The following MACF1 variants were observed in gnomAD, a reference collection of about 807,000 sequenced individuals.
MACF1 encodes the protein microtubule-actin cross-linking factor 1.
In MACF1, 193 loss-of-function variants were observed where a neutral mutation model predicts 854.8. That is an observed-to-expected ratio of 0.23 (90% CI 0.20 to 0.25). The LOEUF is 0.25. MACF1 is among the 10% of genes least tolerant of loss of function. The pLI is 1.00. For missense variants in MACF1, 7,722 were observed against 8,929.1 expected (o/e 0.86, Z 5.45); for synonymous variants, 3,185 against 3,226.7 (o/e 0.99, Z 0.44).
At chr1:39,126,410 G>A (rs1642861090) in intron 2 of MACF1, among the ~76,000 whole-genome samples, 1 of 152,168 alleles carries the variant, frequency 6.6e-6, no homozygotes, top group African/African-American at 2.4e-5. Context: ...TTGATCATTT[G>A]TAAAGACCCT....
In MACF1 at chr1:39,387,678, A is replaced by G. The variant is rs1353402243; in HGVS notation, c.14836A>G (p.Lys4946Glu). ...GCTAGAGTCCAGTCTCCTAAGATCA[A>G]AGGCTATGCTGAATGAGGTGGAGAA... is the stretch of plus-strand genomic sequence containing the variant. ...VQLESSLLRS[K>E]AMLNEVEKRR... Residue 4946 changes from lysine (K) to glutamate (E), a missense_variant, in exon 58 of 101, where the codon AAG becomes GAG. This residue lies in a region of MACF1 where 2,807 missense variants were observed against 3,235.8 expected (regional missense o/e 0.87). Coordinates refer to ENST00000564288, the MANE Select transcript of MACF1 (RefSeq NM_001394062.1). 1 of 1,614,158 alleles carries G rather than the reference A, an allele frequency of 6.2e-7. No individual in the cohort carries two copies. The highest frequency in any genetic ancestry group is 8.5e-7 in the Non-Finnish European group (1 of 1,180,028).
In MACF1 at chr1:39,385,903, C is replaced by G; in HGVS notation, c.14318C>G (p.Pro4773Arg). The change falls in exon 57 of 101, where the codon CCT becomes CGT. Residue 4773 changes from proline (P) to arginine (R), a missense_variant. Pro to Arg is a moderately radical substitution (Grantham distance 103, BLOSUM62 -2). Transcript: ENST00000564288. ...AAGCGTTTGGAGACAGTTGCCCTGC[C>G]TCTCCAAGGTTTAGAAGACCTTGCA... ...LKKRLETVAL[P>R]LQGLEDLAAD... 1 of 1,612,360 alleles carries G rather than the reference C, an allele frequency of 6.2e-7. No homozygotes were observed. The highest frequency in any genetic ancestry group is 8.5e-7 in the Non-Finnish European group (1 of 1,178,792).
chr1:39,216,338 C>G (rs945041175), intron 1 of MACF1, among the ~76,000 whole-genome samples: 1 of 152,028 alleles, frequency 6.6e-6, no homozygotes, highest in Non-Finnish European at 1.5e-5. Context: ...TTCTGTTAGG[C>G]TTTCTGATTT....
chr1:39,459,115 C>T lies in MACF1; in HGVS notation c.21226C>T (p.Pro7076Ser). 4 of 1,613,934 alleles carry T rather than the reference C, an allele frequency of 2.5e-6. No homozygotes were observed. Among genetic ancestry groups the T allele is most frequent in the Non-Finnish European group, 3.4e-6 (4 of 1,179,948 alleles). The stretch of plus-strand genomic sequence containing the variant: ...ATCCCTAAGTCAGCCAACCCCTCCT[C>T]CCATGCCAATCCTTTCACAGTCTGA... ...RKSLSQPTPP[P>S]MPILSQSEAK... The change falls in exon 91 of 101, where the codon CCC (proline) becomes TCC (serine). Residue 7076 changes from proline to serine, a missense_variant. Coordinates refer to ENST00000564288, the MANE Select transcript of MACF1 (RefSeq NM_001394062.1).
chr1:39,266,228 G>A (rs1041099432), intron 6 of MACF1, among the ~76,000 whole-genome samples: 2 of 152,180 alleles, frequency 1.3e-5, no homozygotes, highest in Non-Finnish European at 2.9e-5. Context: ...ATTTTGGTTT[G>A]CTTGTATGTC....
At chr1:39,160,560 A>G (rs1279160929) in intron 2 of MACF1, among the ~76,000 whole-genome samples, 4 of 152,234 alleles carry the variant, frequency 2.6e-5, no homozygotes, top group East Asian at 1.9e-4. Context: ...AAAACATACA[A>G]TATATAGCAG....
At chr1:39,208,303 A>G (rs1030428162) in intron 1 of MACF1, among the ~76,000 whole-genome samples, 9 of 152,020 alleles carry the variant, frequency 5.9e-5, no homozygotes, top group Admixed American at 1.3e-4. Flanking sequence ...CTTTAGGGTA[A>G]GTAGTTAACT....
intron 51 of MACF1, among the ~76,000 whole-genome samples, chr1:39,371,672 T>C (rs2490945): frequency 0.29 from 44,319 of 152,054 alleles, 6,785 homozygotes; most frequent in East Asian, 0.4. Context: ...CCTTAATAAA[T>C]GCAAAGTATA....
At chr1:39,192,053 A>G (rs1644260600) in intron 2 of MACF1, among the ~76,000 whole-genome samples, 1 of 152,176 alleles carries the variant, frequency 6.6e-6, no homozygotes, top group South Asian at 2.1e-4. Flanking sequence ...CAGGAGACTG[A>G]GGCACAAGAA....
intron 6 of MACF1, among the ~76,000 whole-genome samples, chr1:39,262,808 C>G (rs147566445): frequency 6.6e-6 from 1 of 152,152 alleles, no homozygotes; most frequent in Non-Finnish European, 1.5e-5. Context: ...TAGGTGGGAG[C>G]ACCGCTCCCA....
At chr1:39,434,692 AAAC>A (rs1643933916) in intron 69 of MACF1, 60 bp downstream of exon 69, 10 of 1,492,236 alleles carry the variant, frequency 6.7e-6, no homozygotes, top group Non-Finnish European at 2.8e-6. Flanking sequence ...ATTTATTTAA[AAAC>A]AACATTTGTT....
chr1:39,105,375 C>G lies in MACF1; in HGVS notation c.220+20937C>G. On this transcript the variant is annotated intron_variant, in intron 2 of 93. Coordinates refer to the MACF1 transcript ENST00000361689. This position sits in a 1 kb window ranked among gnomAD's most constrained non-coding sequence, Gnocchi z 5.9. Reference sequence around the variant, plus strand: ...GCGCCGGGGCGGGCTGAGGGAGGAGCGGAGCCGAGGGGTGAGGACGCGGAA... The same window carrying G: ...GCGCCGGGGCGGGCTGAGGGAGGAGGGGAGCCGAGGGGTGAGGACGCGGAA... 1 of 982,626 alleles carries G rather than the reference C, an allele frequency of 1.0e-6. No individual in the cohort carries two copies. The highest frequency in any genetic ancestry group is 1.2e-6 in the Non-Finnish European group (1 of 828,108). The allele number at this position is 982,626 out of a possible 1,614,324, so 60.9% of individuals were successfully genotyped here.
At chr1:39,113,272 C>A (rs1642457803) in intron 2 of MACF1, among the ~76,000 whole-genome samples, 1 of 152,072 alleles carries the variant, frequency 6.6e-6, no homozygotes, top group Admixed American at 6.5e-5. Context: ...ATAGTGCACA[C>A]AGTGAGCTTA....
At chr1:39,103,942 T>C (rs1642157549) in intron 2 of MACF1, among the ~76,000 whole-genome samples, 1 of 152,216 alleles carries the variant, frequency 6.6e-6, no homozygotes, top group Non-Finnish European at 1.5e-5. Context: ...GTGCTGAGCA[T>C]TGACCAAAAT....
At chr1:39,340,222 T>A (rs1001226368) in intron 38 of MACF1, among the ~76,000 whole-genome samples, 1 of 152,168 alleles carries the variant, frequency 6.6e-6, no homozygotes, top group African/African-American at 2.4e-5. Context: ...ATCCAAGTCC[T>A]GGCTGTACTG....
intron 2 of MACF1, among the ~76,000 whole-genome samples, chr1:39,155,104 C>T (rs1163132286): frequency 1.3e-5 from 2 of 152,138 alleles, no homozygotes; most frequent in Non-Finnish European, 2.9e-5. Context: ...CTTTGAAATG[C>T]TGTGACTCTG....
intron 2 of MACF1, among the ~76,000 whole-genome samples, chr1:39,122,294 A>C (rs1642735872): frequency 7.0e-6 from 1 of 143,698 alleles, no homozygotes; most frequent in Non-Finnish European, 1.5e-5. Context: ...TTGTTCTGTC[A>C]CTCAGGCTGG....
intron 6 of MACF1, among the ~76,000 whole-genome samples, chr1:39,277,347 C>G (rs1303378034): frequency 6.6e-6 from 1 of 152,104 alleles, no homozygotes; most frequent in Non-Finnish European, 1.5e-5. Context: ...GTTAAAGATG[C>G]ATGTGAAGTT....
At chr1:39,464,081 A>G (rs781570235) in intron 94 of MACF1, 3 of 195,688 alleles carry the variant, frequency 1.5e-5, no homozygotes, top group African/African-American at 2.3e-5. Context: ...TTGAAGCCCC[A>G]ACAGACACTG....
Sources: allele counts gnomAD v4.1 joint callset (sites outside exome capture counted in the v4.1 genomes callset), GRCh38; gene constraint gnomAD v4.1.1; regional missense constraint gnomAD v4.1.1; non-coding constraint Gnocchi (gnomAD v3.1); transcripts MANE v1.5; gene names NCBI Gene and HGNC (gene_info 2026-07-23, HGNC 2026-07-21).